Variants in AGPAT4 observed in about 807,000 individuals in gnomAD.
AGPAT4 encodes the protein 1-acyl-sn-glycerol-3-phosphate acyltransferase delta.
A neutral mutation model predicts 48.0 loss-of-function variants in AGPAT4; 15 were observed. That is an observed-to-expected ratio of 0.31 (90% CI 0.21 to 0.48). AGPAT4 has a LOEUF of 0.48. Ranked by LOEUF, AGPAT4 falls within the 20% of genes least tolerant of loss-of-function variation. The pLI, the probability that AGPAT4 is intolerant of heterozygous loss-of-function variation, is 0.99. For synonymous variants in AGPAT4, 178 were observed against 198.7 expected, an observed-to-expected ratio of 0.90 and a Z score of 0.88; for missense variants, 314 against 482.5, an observed-to-expected ratio of 0.65 and a Z score of 3.27.
rs969635150 is a variant in AGPAT4 at position 161,140,371 on chromosome 6, T to G, written c.844-751A>C. Among the ~76,000 whole-genome samples the G allele has an allele frequency of 6.6e-6, 1 of 152,310 alleles. No homozygotes were observed. Among genetic ancestry groups the G allele is most frequent in the South Asian group, 2.1e-4 (1 of 4,830 alleles). On this transcript the variant is annotated intron_variant, in intron 7 of 8. Transcript: ENST00000320285. This position sits in a 1 kb window ranked among gnomAD's most constrained non-coding sequence, Gnocchi z 6.5. ...CTAAGCAGATCCTTAGTGGGAACCA[T>G]GTACTCATCCACATCCACCCACAGG...
chr6:161,211,395 C>T (rs1247090772), intron 2 of AGPAT4, among the ~76,000 whole-genome samples: 2 of 151,672 alleles, frequency 1.3e-5, no homozygotes, highest in Non-Finnish European at 2.9e-5. Flanking sequence ...ATGTATAAAA[C>T]AAGGTAAAAG....
Position 161,244,365 on chromosome 6 carries a change from T to C in AGPAT4, c.-89-12063A>G, listed in dbSNP as rs1582904759. Among the ~76,000 whole-genome samples, 1 of 152,284 alleles carries C rather than the reference T, an allele frequency of 6.6e-6. No homozygotes were observed. Among genetic ancestry groups the C allele is most frequent in the East Asian group, 1.9e-4 (1 of 5,184 alleles). On this transcript the variant is annotated intron_variant, in intron 1 of 8. Coordinates refer to ENST00000320285, the MANE Select transcript of AGPAT4 (RefSeq NM_020133.3). The surrounding 1 kb of genome is among the most constrained non-coding windows in gnomAD (Gnocchi z 4.7). The stretch of plus-strand genomic sequence containing the variant: ...CACCAAAGAAGACTTTTTAATAAAA[T>C]CTGATCTTTAATATTTCAAAATACG...
At chr6:161,209,626 C>G (rs745545750) in intron 2 of AGPAT4, among the ~76,000 whole-genome samples, 2 of 152,118 alleles carry the variant, frequency 1.3e-5, no homozygotes, top group Non-Finnish European at 2.9e-5. Flanking sequence ...CCATGTCAGA[C>G]CCGAACAGGC....
chr6:161,216,075 C>A lies in AGPAT4; in HGVS notation c.178+15961G>T, dbSNP rs1032739717. Among the ~76,000 whole-genome samples, 11 of 152,226 alleles carry A rather than the reference C, an allele frequency of 7.2e-5. No homozygotes were observed. The highest frequency in any genetic ancestry group is 1.0e-4 in the Non-Finnish European group (7 of 68,042). ...AAAACAAACAAAAAATACCTTTCAG[C>A]TAAAGCCAGATTTGTGAGGCTGCCA... On this transcript the variant is annotated intron_variant, in intron 2 of 8. Coordinates refer to ENST00000320285, the MANE Select transcript of AGPAT4 (RefSeq NM_020133.3). The surrounding 1 kb of genome is among the most constrained non-coding windows in gnomAD (Gnocchi z 4.8).
rs1482901317 is a variant in AGPAT4, at chr6:161,242,309, A to C, written c.-89-10007T>G. 6.6e-6 allele frequency among the ~76,000 whole-genome samples: 1 copy of C among 152,236 alleles called. No homozygotes were observed. Among genetic ancestry groups the C allele is most frequent in the African/African-American group, 2.4e-5 (1 of 41,464 alleles). Reference sequence around the variant, plus strand: ...TCTTAATGCTGCCTATAAGACAAGAAGCCCAACATGATAGACTTCATGAAC... The same window carrying C: ...TCTTAATGCTGCCTATAAGACAAGACGCCCAACATGATAGACTTCATGAAC... On this transcript the variant is annotated intron_variant, in intron 1 of 8. Coordinates refer to ENST00000320285, the MANE Select transcript of AGPAT4 (RefSeq NM_020133.3). The surrounding 1 kb of genome is among the most constrained non-coding windows in gnomAD (Gnocchi z 5.0).
At position 161,164,188 on chromosome 6, in the gene AGPAT4, G is replaced by A. The variant is rs947359134; in HGVS notation, c.348+2060C>T. On this transcript the variant is annotated intron_variant, in intron 3 of 8. Transcript: ENST00000320285. This position sits in a 1 kb window ranked among gnomAD's most constrained non-coding sequence, Gnocchi z 7.4. ...TAAACGGTGCTGAGATTAAATTCCCGCTCCGTGAATGTCTCTTCCCGTCTG... is the reference window on the plus strand; with the variant it reads ...TAAACGGTGCTGAGATTAAATTCCCACTCCGTGAATGTCTCTTCCCGTCTG... Among the ~76,000 whole-genome samples the A allele has an allele frequency of 1.3e-5, 2 of 152,148 alleles. No homozygotes were observed. The highest frequency in any genetic ancestry group is 2.9e-5 in the Non-Finnish European group (2 of 68,024).
At chr6:161,172,111 T>C (rs1780282798) in intron 2 of AGPAT4, among the ~76,000 whole-genome samples, 1 of 152,074 alleles carries the variant, frequency 6.6e-6, no homozygotes, top group African/African-American at 2.4e-5. Context: ...TATCTGGGAA[T>C]GAAAACAATG....
rs1270840309 is a variant in AGPAT4, at chr6:161,130,199, A to G, written c.*6341T>C. 3 of 152,002 alleles carry G rather than the reference A, an allele frequency of 2.0e-5. No homozygotes were observed. The highest frequency in any genetic ancestry group is 7.3e-5 in the African/African-American group (3 of 41,374). The allele number at this position is 152,002 out of a possible 1,614,324, so 9.4% of individuals were successfully genotyped here. A position where few individuals can be genotyped will look rare whatever the true frequency, so the allele number is the denominator to read the frequency against. ...TACCATTCATTCGGTCCAAACATCC[A>G]CCCAATCCACACGTTCTCTCAAAGA... On this transcript the variant is annotated 3_prime_UTR_variant, in exon 9 of 9. Coordinates refer to ENST00000320285, the MANE Select transcript of AGPAT4 (RefSeq NM_020133.3).
At chr6:161,209,977 T>A (rs1300300022) in intron 2 of AGPAT4, among the ~76,000 whole-genome samples, 4 of 152,174 alleles carry the variant, frequency 2.6e-5, no homozygotes, top group Non-Finnish European at 5.9e-5. Context: ...AGGTTATTCT[T>A]GGATTTTTAA....
Position 161,211,945 on chromosome 6 carries a change from A to G in AGPAT4, c.178+20091T>C, listed in dbSNP as rs570168924. On this transcript the variant is annotated intron_variant, in intron 2 of 8. Transcript: ENST00000320285. ...AAAGCCATTTCAACTCAAGGCCCAG[A>G]GAGTATTGTGGAAGAGGTGGGTGCA... 2.3e-3 allele frequency among the ~76,000 whole-genome samples: 346 copies of G among 152,284 alleles called. 2 individuals are homozygous for G. Among genetic ancestry groups the G allele is most frequent in the Non-Finnish European group, 4.3e-3 (294 of 68,024 alleles).
rs1206679331 is a variant in AGPAT4 at position 161,232,713 on chromosome 6, C to G, written c.-89-411G>C. Among the ~76,000 whole-genome samples, 1 of 152,128 alleles carries G rather than the reference C, an allele frequency of 6.6e-6. No homozygotes were observed. Among genetic ancestry groups the G allele is most frequent in the Non-Finnish European group, 1.5e-5 (1 of 68,020 alleles). ...CCTCCTGCTGCCATCGCGGCCTGAG[C>G]CCCATTCTCTCACCCCTAGCCCCAC... On this transcript the variant is annotated intron_variant, in intron 1 of 8. Coordinates refer to ENST00000320285, the MANE Select transcript of AGPAT4 (RefSeq NM_020133.3). This position sits in a 1 kb window ranked among gnomAD's most constrained non-coding sequence, Gnocchi z 6.8.
Position 161,148,575 on chromosome 6 carries a change from T to C in AGPAT4, c.767+612A>G, listed in dbSNP as rs1779502782. 6.6e-6 allele frequency among the ~76,000 whole-genome samples: 1 copy of C among 152,154 alleles called. No homozygotes were observed. The highest frequency in any genetic ancestry group is 2.4e-5 in the African/African-American group (1 of 41,450). ...GATGATCCACAGCACAACAAACCAATACGGTCCCTGACCCGTCACACTGGG... is the reference window on the plus strand; with the variant it reads ...GATGATCCACAGCACAACAAACCAACACGGTCCCTGACCCGTCACACTGGG... On this transcript the variant is annotated intron_variant, in intron 6 of 8. Coordinates refer to ENST00000320285, the MANE Select transcript of AGPAT4 (RefSeq NM_020133.3). The surrounding 1 kb of genome is among the most constrained non-coding windows in gnomAD (Gnocchi z 5.5).
rs1583311414 is a variant in AGPAT4, at chr6:161,184,828, A to G, written c.179-18411T>C. On this transcript the variant is annotated intron_variant, in intron 2 of 8. Transcript: ENST00000320285. The surrounding 1 kb of genome is among the most constrained non-coding windows in gnomAD (Gnocchi z 4.8). ...CATCAGCCCTTAGATTTTGTTCTCT[A>G]AACACCGTACCTGTGGTGTGTGTAG... Among the ~76,000 whole-genome samples the G allele has an allele frequency of 6.6e-6, 1 of 152,262 alleles. No individual in the cohort carries two copies. Among genetic ancestry groups the G allele is most frequent in the South Asian group, 2.1e-4 (1 of 4,820 alleles).
In AGPAT4 at chr6:161,147,086, G is replaced by A. The variant is rs1385383372; in HGVS notation, c.768-487C>T. On this transcript the variant is annotated intron_variant, in intron 6 of 8. Coordinates refer to ENST00000320285, the MANE Select transcript of AGPAT4 (RefSeq NM_020133.3). The surrounding 1 kb of genome is among the most constrained non-coding windows in gnomAD (Gnocchi z 4.8). ...ATCAAATGATTCCTCTGGCCTCTTG[G>A]TTAGCCTTGAGGCAGACTTTCTGCA... 6.6e-6 allele frequency among the ~76,000 whole-genome samples: 1 copy of A among 152,184 alleles called. No individual in the cohort carries two copies. Among genetic ancestry groups the A allele is most frequent in the African/African-American group, 2.4e-5 (1 of 41,452 alleles).
At position 161,149,515 on chromosome 6, in the gene AGPAT4, T is replaced by C. The variant is rs1194945804; in HGVS notation, c.665-226A>G. Among the ~76,000 whole-genome samples, 2 of 152,212 alleles carry C rather than the reference T, an allele frequency of 1.3e-5. No homozygotes were observed. The highest frequency in any genetic ancestry group is 3.8e-4 in the East Asian group (2 of 5,202). Reference sequence around the variant, plus strand: ...AACTTAGTAATAGAAAACAGGGTCATTGCTGAAGTCAGATCATTTTTTTCT... The same window carrying C: ...AACTTAGTAATAGAAAACAGGGTCACTGCTGAAGTCAGATCATTTTTTTCT... On this transcript the variant is annotated intron_variant, in intron 5 of 8. Coordinates refer to ENST00000320285, the MANE Select transcript of AGPAT4 (RefSeq NM_020133.3). The surrounding 1 kb of genome is among the most constrained non-coding windows in gnomAD (Gnocchi z 6.5).
intron 1 of AGPAT4, among the ~76,000 whole-genome samples, chr6:161,256,803 C>G (rs183812019): frequency 2.0e-5 from 3 of 152,344 alleles, no homozygotes; most frequent in Admixed American, 1.3e-4. Context: ...ATGGGTTCAT[C>G]AGTTTGGCAA....
At position 161,262,370 on chromosome 6, in the gene AGPAT4, G is replaced by A. The variant is rs1783128015; in HGVS notation, c.-90+11568C>T. Among the ~76,000 whole-genome samples the A allele has an allele frequency of 1.3e-5, 2 of 152,228 alleles. No individual in the cohort carries two copies. Among genetic ancestry groups the A allele is most frequent in the East Asian group, 1.9e-4 (1 of 5,190 alleles). On this transcript the variant is annotated intron_variant, in intron 1 of 8. Coordinates refer to ENST00000320285, the MANE Select transcript of AGPAT4 (RefSeq NM_020133.3). This position sits in a 1 kb window ranked among gnomAD's most constrained non-coding sequence, Gnocchi z 4.9. ...GATGGAGCTGCAGCCATGGTGGCCA[G>A]CTGCCGCGTCTGTCCCTGCCACACA...
At position 161,218,287 on chromosome 6, in the gene AGPAT4, TG is replaced by T. The variant is rs1781712014; in HGVS notation, c.178+13748del. Among the ~76,000 whole-genome samples, 4 of 152,324 alleles carry T rather than the reference TG, an allele frequency of 2.6e-5. No individual in the cohort carries two copies. Among genetic ancestry groups the T allele is most frequent in the Non-Finnish European group, 5.9e-5 (4 of 68,036 alleles). ...TGATTTATAGTTCTGCCGATTTCTATGGTGCAAATATTCCCACAAATGTCAG... is the reference window on the plus strand; with the variant it reads ...TGATTTATAGTTCTGCCGATTTCTATGTGCAAATATTCCCACAAATGTCAG... On this transcript the variant is annotated intron_variant, in intron 2 of 8. Coordinates refer to ENST00000320285, the MANE Select transcript of AGPAT4 (RefSeq NM_020133.3). This position sits in a 1 kb window ranked among gnomAD's most constrained non-coding sequence, Gnocchi z 4.7.
chr6:161,210,035 T>A (rs9355336), intron 2 of AGPAT4, among the ~76,000 whole-genome samples: 15,616 of 152,166 alleles, frequency 0.1, 847 homozygotes, highest in South Asian at 0.16. Flanking sequence ...TTAAAAAAAA[T>A]TTTTTTAAGT....
Sources: allele counts gnomAD v4.1 joint callset (sites outside exome capture counted in the v4.1 genomes callset), GRCh38; gene constraint gnomAD v4.1.1; non-coding constraint Gnocchi (gnomAD v3.1); transcripts MANE v1.5; gene names NCBI Gene and HGNC (gene_info 2026-07-23, HGNC 2026-07-21).